The following GSTT4 variants were observed in gnomAD, a reference collection of about 807,000 sequenced individuals.
GSTT4 encodes the protein glutathione S-transferase theta 4.
At chr22:23,994,223 C>T (rs1205732820), downstream of GSTT4, among the ~76,000 whole-genome samples, 1 of 151,946 alleles carries the variant, frequency 6.6e-6, no homozygotes, top group African/African-American at 2.4e-5. Flanking sequence ...ATCATATTTT[C>T]ATTATCAGAT....
chr22:23,990,657 CA>C, the GSTT4 span, among the ~76,000 whole-genome samples: 1 of 42,048 alleles, frequency 2.4e-5, no homozygotes, highest in Non-Finnish European at 5.3e-5. Flanking sequence ...AATAAATAAA[CA>C]AACAAACAAT....
Position 23,999,047 on chromosome 22 carries a change from T to C in GSTT4, c.529-308A>G, listed in dbSNP as rs546382016. The stretch of plus-strand genomic sequence containing the variant: ...GCGACCTCGCATGAATCCTGCCTTC[T>C]TCCAGGGAGACCCCTTATCCCAGGT... On this transcript the variant is annotated intron_variant, in intron 4 of 4. Transcript: ENST00000621179. 3.3e-4 allele frequency among the ~76,000 whole-genome samples: 51 copies of C among 152,338 alleles called. 2 individuals are homozygous for C. The highest frequency in any genetic ancestry group is 1.1e-3 in the African/African-American group (46 of 41,552).
At chr22:24,002,830 CAAA>C (rs57115393) in intron 2 of GSTT4, among the ~76,000 whole-genome samples, 5 of 90,022 alleles carry the variant, frequency 5.6e-5, no homozygotes, top group East Asian at 8.0e-4. Context: ...GACTCCGTCT[CAAA>C]AAAAAAAAAA....
chr22:24,002,845 A>AAC (rs2034263644), intron 2 of GSTT4, among the ~76,000 whole-genome samples: 2 of 34,450 alleles, frequency 5.8e-5, no homozygotes, highest in Non-Finnish European at 1.7e-4. Flanking sequence ...AAAAAAAAAA[A>AAC]AAAAACTTCT....
chr22:23,994,044 T>G (rs1036081853), downstream of GSTT4, among the ~76,000 whole-genome samples: 2 of 152,202 alleles, frequency 1.3e-5, no homozygotes, highest in Non-Finnish European at 2.9e-5. Context: ...GGCACTGGAC[T>G]GTGGTAGGTC....
downstream of GSTT4, among the ~76,000 whole-genome samples, chr22:23,994,187 T>G (rs576008): frequency 6.3e-5 from 9 of 141,800 alleles, no homozygotes; most frequent in Admixed American, 3.6e-4. Context: ...TTTTGTAGCT[T>G]CTTCCCTATG....
chr22:23,990,491 G>A, the GSTT4 span, among the ~76,000 whole-genome samples: 1 of 96,428 alleles, frequency 1.0e-5, no homozygotes, highest in African/African-American at 3.2e-5. Flanking sequence ...GCACGGGGAC[G>A]TGCCTGTAGT....
In GSTT4 at chr22:24,000,271, G is replaced by A. The variant is rs1047167931; in HGVS notation, c.352-20C>T. On this transcript the variant is annotated intron_variant, in intron 3 of 4. Coordinates refer to ENST00000621179, the MANE Select transcript of GSTT4 (RefSeq NM_001358664.2). ...CAGCAACTGGCCAGGGTTGGGAAGA[G>A]GAGGGAAGAGGAGGCTGCACTCCAG... 3 of 152,560 alleles carry A rather than the reference G, an allele frequency of 2.0e-5. No individual in the cohort carries two copies. Among genetic ancestry groups the A allele is most frequent in the Non-Finnish European group, 2.9e-5 (2 of 68,006 alleles). 9.5% of individuals were successfully genotyped at this position (152,560 alleles called of 1,614,324 possible). A position where few individuals can be genotyped will look rare whatever the true frequency, so the allele number is the denominator to read the frequency against.
intron 2 of GSTT4, among the ~76,000 whole-genome samples, chr22:24,001,886 G>A (rs1209593275): frequency 6.6e-6 from 1 of 152,274 alleles, no homozygotes; most frequent in Non-Finnish European, 1.5e-5. Flanking sequence ...AGCTACTTGG[G>A]AAGCTGAGGC....
At chr22:23,992,230 A>G in the GSTT4 span, among the ~76,000 whole-genome samples, 61,628 of 135,902 alleles carry the variant, frequency 0.45, 15,276 homozygotes, top group South Asian at 0.6. Context: ...TGCTGGGGTC[A>G]TATTTGTTAC....
chr22:24,002,934 G>C (rs187391942), intron 2 of GSTT4, among the ~76,000 whole-genome samples: 1 of 152,158 alleles, frequency 6.6e-6, no homozygotes, highest in East Asian at 1.9e-4. Context: ...CCACATATTA[G>C]ATGAAATCCA....
downstream of GSTT4, among the ~76,000 whole-genome samples, chr22:23,995,970 G>A (rs1031302632): frequency 2.8e-5 from 4 of 142,486 alleles, no homozygotes; most frequent in African/African-American, 7.8e-5. Flanking sequence ...TTGAGATGGA[G>A]TCTCAGTCAG....
downstream of GSTT4, among the ~76,000 whole-genome samples, chr22:23,996,133 G>A (rs544814146): frequency 8.6e-5 from 13 of 151,960 alleles, no homozygotes; most frequent in African/African-American, 2.7e-4. Flanking sequence ...TAGTAGAGAC[G>A]GGGTTTCACC....
chr22:23,991,848 A>T, the GSTT4 span, among the ~76,000 whole-genome samples: 1 of 128,530 alleles, frequency 7.8e-6, no homozygotes. Flanking sequence ...AGGTCAGGAG[A>T]TCGAGACCAT....
chr22:23,995,858 G>A (rs140670081), downstream of GSTT4, among the ~76,000 whole-genome samples: 27 of 152,272 alleles, frequency 1.8e-4, 1 homozygote, highest in East Asian at 5.0e-3. Context: ...AAATGGAAGT[G>A]TGGTTTTAAT....
At chr22:23,992,742 G>A in the GSTT4 span, among the ~76,000 whole-genome samples, 11 of 137,544 alleles carry the variant, frequency 8.0e-5, no homozygotes, top group South Asian at 4.9e-4. Flanking sequence ...GTCTCCCAGC[G>A]CCTACCCCAG....
At chr22:23,992,456 A>G in the GSTT4 span, among the ~76,000 whole-genome samples, 1 of 150,598 alleles carries the variant, frequency 6.6e-6, no homozygotes, top group East Asian at 2.0e-4. Flanking sequence ...CTTGCTTCCA[A>G]GCAGTAGAGC....
At chr22:23,992,712 C>T in the GSTT4 span, among the ~76,000 whole-genome samples, 1 of 151,890 alleles carries the variant, frequency 6.6e-6, no homozygotes, top group Non-Finnish European at 1.5e-5. Flanking sequence ...AGTGATGGGA[C>T]CACTAACAGT....
chr22:23,996,157 T>C (rs553912736), downstream of GSTT4, among the ~76,000 whole-genome samples: 14 of 152,244 alleles, frequency 9.2e-5, no homozygotes, highest in East Asian at 3.9e-4. Flanking sequence ...TTGGACAGGC[T>C]GGTCTCAAAC....
Sources: allele counts gnomAD v4.1 joint callset (sites outside exome capture counted in the v4.1 genomes callset), GRCh38; gene constraint gnomAD v4.1.1; transcripts MANE v1.5; gene names NCBI Gene and HGNC (gene_info 2026-07-23, HGNC 2026-07-21).